WDR70: variants seen among roughly 807,000 people sequenced by gnomAD.
The protein encoded by WDR70 is WD repeat domain 70.
In WDR70, 53 loss-of-function variants were observed where a neutral mutation model predicts 88.6. The ratio of observed to expected loss-of-function variants is 0.60; its 90% CI spans 0.48 to 0.75. The LOEUF is 0.75. Among genes scored for constraint, WDR70 ranks in the 30% least tolerant of loss-of-function variants. The pLI, the probability that WDR70 is intolerant of heterozygous loss-of-function variation, is 0.00. For missense variants in WDR70, 610 were observed against 823.2 expected, an observed-to-expected ratio of 0.74 and a Z score of 3.17; for synonymous variants, 280 against 270.0, an observed-to-expected ratio of 1.04 and a Z score of -0.36.
chr5:37,460,965 G>T (rs931618383), intron 7 of WDR70, among the ~76,000 whole-genome samples: 1 of 151,384 alleles, frequency 6.6e-6, no homozygotes, highest in Non-Finnish European at 1.5e-5. Context: ...TCATATTAAG[G>T]TTGCCATATT....
intron 9 of WDR70, among the ~76,000 whole-genome samples, chr5:37,555,544 C>T (rs889047710): frequency 6.6e-6 from 1 of 152,096 alleles, no homozygotes; most frequent in African/African-American, 2.4e-5. Flanking sequence ...TAGTTCAGAA[C>T]TAGTAATGTT....
chr5:37,509,828 G>C (rs1740666983), intron 8 of WDR70, among the ~76,000 whole-genome samples: 1 of 149,236 alleles, frequency 6.7e-6, no homozygotes, highest in Non-Finnish European at 1.5e-5. Context: ...TCCTTCACTG[G>C]GCAACCAGAA....
At chr5:37,652,175 A>G (rs2112561935) in intron 10 of WDR70, among the ~76,000 whole-genome samples, 1 of 152,234 alleles carries the variant, frequency 6.6e-6, no homozygotes, top group East Asian at 1.9e-4. Flanking sequence ...AGTTTTCCCA[A>G]CACCATTTAT....
chr5:37,634,246 C>T (rs143083703), intron 10 of WDR70, among the ~76,000 whole-genome samples: 1,576 of 145,944 alleles, frequency 0.011, 22 homozygotes, highest in African/African-American at 0.037. Flanking sequence ...TTGTAGTGAG[C>T]TGAGATTGCA....
At chr5:37,533,550 G>A (rs777621629) in intron 9 of WDR70, among the ~76,000 whole-genome samples, 4 of 151,564 alleles carry the variant, frequency 2.6e-5, no homozygotes, top group Admixed American at 6.6e-5. Flanking sequence ...GGCAGTGGGC[G>A]GGGCCATAGA....
At chr5:37,572,607 T>C (rs2112407424) in intron 9 of WDR70, among the ~76,000 whole-genome samples, 1 of 152,250 alleles carries the variant, frequency 6.6e-6, no homozygotes, top group East Asian at 1.9e-4. Context: ...TAAACTTCCT[T>C]TCTTTTAACC....
At chr5:37,484,141 C>T (rs947636000) in intron 8 of WDR70, among the ~76,000 whole-genome samples, 14 of 152,242 alleles carry the variant, frequency 9.2e-5, no homozygotes, top group Non-Finnish European at 1.9e-4. Flanking sequence ...CTCCTTACTT[C>T]CCAGACGGGG....
intron 10 of WDR70, among the ~76,000 whole-genome samples, chr5:37,662,312 A>G: frequency 6.6e-6 from 1 of 152,194 alleles, no homozygotes. Flanking sequence ...GCACAGTTTT[A>G]CAGATAAGAA....
At chr5:37,725,181 A>C (rs1747936047) in intron 16 of WDR70, 131 bp downstream of exon 16, 1 of 704,982 alleles carries the variant, frequency 1.4e-6, no homozygotes, top group South Asian at 1.9e-5. Flanking sequence ...AGTGTTTTAA[A>C]AATGTTTTCT....
intron 5 of WDR70, among the ~76,000 whole-genome samples, chr5:37,420,366 C>G (rs765502705): frequency 6.6e-6 from 1 of 152,150 alleles, no homozygotes; most frequent in Non-Finnish European, 1.5e-5. Flanking sequence ...AAAATAGTTT[C>G]CTTGATCTTT....
chr5:37,750,422 G>A (rs890410850), intron 17 of WDR70, among the ~76,000 whole-genome samples: 5 of 152,162 alleles, frequency 3.3e-5, no homozygotes, highest in African/African-American at 1.2e-4. Flanking sequence ...TGCAGTCCTA[G>A]CTACTGGGGA....
At chr5:37,539,808 T>C (rs1225463655) in intron 9 of WDR70, among the ~76,000 whole-genome samples, 1 of 152,166 alleles carries the variant, frequency 6.6e-6, no homozygotes, top group Non-Finnish European at 1.5e-5. Context: ...TTTTCCCCAA[T>C]AAGGATAAAT....
intron 9 of WDR70, among the ~76,000 whole-genome samples, chr5:37,586,585 A>G (rs1300641385): frequency 6.6e-6 from 1 of 151,908 alleles, no homozygotes; most frequent in African/African-American, 2.4e-5. Flanking sequence ...GCAGGCCCCA[A>G]GTGTGTGATG....
intron 4 of WDR70, among the ~76,000 whole-genome samples, chr5:37,395,121 T>C (rs920113896): frequency 1.1e-4 from 17 of 152,166 alleles, no homozygotes; most frequent in Admixed American, 6.6e-4. Context: ...ACTTTTAATC[T>C]TATCAAATAT....
chr5:37,554,688 A>ACACACGCACACACACACG (rs1307050962), intron 9 of WDR70, among the ~76,000 whole-genome samples: 1 of 151,488 alleles, frequency 6.6e-6, no homozygotes, highest in African/African-American at 2.4e-5. Flanking sequence ...GCACACACAC[A>ACACACGCACACACACACG]CACACACACA....
intron 8 of WDR70, among the ~76,000 whole-genome samples, chr5:37,510,536 A>G (rs1022342545): frequency 1.7e-4 from 26 of 152,194 alleles, no homozygotes; most frequent in African/African-American, 5.8e-4. Flanking sequence ...GGGCTCAAGC[A>G]ATCCTTCTGC....
At chr5:37,528,101 G>A (rs1178696927) in intron 9 of WDR70, among the ~76,000 whole-genome samples, 2 of 152,120 alleles carry the variant, frequency 1.3e-5, no homozygotes, top group Non-Finnish European at 2.9e-5. Context: ...ACTAGAAACA[G>A]CATTTGACCC....
At chr5:37,414,936 G>A (rs1749653290) in intron 5 of WDR70, among the ~76,000 whole-genome samples, 1 of 146,884 alleles carries the variant, frequency 6.8e-6, no homozygotes, top group South Asian at 2.1e-4. Flanking sequence ...GCGGCCTTCC[G>A]CAGTGTTTGT....
intron 8 of WDR70, among the ~76,000 whole-genome samples, chr5:37,481,273 G>A (rs1399818088): frequency 1.3e-5 from 2 of 152,174 alleles, no homozygotes; most frequent in Non-Finnish European, 2.9e-5. Context: ...ACTCTGTGTG[G>A]GGGCTCCAAC....
Sources: gnomAD v4.1 joint callset for allele counts (sites outside exome capture counted in the v4.1 genomes callset) on GRCh38, gnomAD v4.1.1 for gene constraint, MANE v1.5 for transcripts, NCBI Gene and HGNC (gene_info 2026-07-23, HGNC 2026-07-21) for gene names.